The following HOMER1 variants were observed in gnomAD, a reference collection of about 807,000 sequenced individuals.
HOMER1 encodes the protein homer scaffold protein 1.
A neutral mutation model predicts 48.9 loss-of-function variants in HOMER1; 3 were observed. The ratio of observed to expected loss-of-function variants is 0.06; its 90% confidence interval spans 0.03 to 0.16. HOMER1 has a LOEUF of 0.16. Among genes scored for constraint, HOMER1 ranks in the 10% least tolerant of loss-of-function variants. The probability of loss-of-function intolerance (pLI) is 1.00; values close to 1 mark genes in which losing one functional copy is unlikely to be tolerated. For missense variants in HOMER1, 247 were observed against 411.4 expected (o/e 0.60, Z 3.46); for synonymous variants, 134 against 146.4 (o/e 0.92, Z 0.61).
At chr5:79,447,815 C>T (rs1750924797) in intron 3 of HOMER1, among the ~76,000 whole-genome samples, 1 of 152,002 alleles carries the variant, frequency 6.6e-6, no homozygotes, top group African/African-American at 2.4e-5. Flanking sequence ...AACATCCTGG[C>T]CACAAAGAAT....
At chr5:79,483,753 TA>T (rs70975754) in intron 1 of HOMER1, among the ~76,000 whole-genome samples, 38,726 of 133,774 alleles carry the variant, frequency 0.29, 5,773 homozygotes, top group African/African-American at 0.41. Flanking sequence ...ACCGTTTAAG[TA>T]AAAAAAAAAA....
chr5:79,395,420 A>G (rs1235702968), intron 8 of HOMER1, among the ~76,000 whole-genome samples: 1 of 152,194 alleles, frequency 6.6e-6, no homozygotes, highest in Non-Finnish European at 1.5e-5. Flanking sequence ...GCGCTCCACT[A>G]ATTGTGAAAA....
At chr5:79,376,365 C>A (rs1455257251) in intron 8 of HOMER1, among the ~76,000 whole-genome samples, 168 bp from the exon 9 acceptor site, 4 of 152,122 alleles carry the variant, frequency 2.6e-5, no homozygotes, top group Non-Finnish European at 5.9e-5. Context: ...TTGGCCATCC[C>A]AGAGAGCAAT....
At chr5:79,419,971 T>C (rs1485584858) in intron 5 of HOMER1, among the ~76,000 whole-genome samples, 1 of 150,372 alleles carries the variant, frequency 6.7e-6, no homozygotes, top group Non-Finnish European at 1.5e-5. Context: ...TTGGAGAAGA[T>C]GTAAAATGAT....
At chr5:79,445,772 G>T (rs1316682551) in intron 4 of HOMER1, among the ~76,000 whole-genome samples, 1 of 152,150 alleles carries the variant, frequency 6.6e-6, no homozygotes, top group Non-Finnish European at 1.5e-5. Context: ...AAATTAGCCA[G>T]GTGGGGTGGT....
rs1748689244 is a variant in HOMER1 at position 79,373,672 on chromosome 5, A to T, written c.*2337T>A. ...TTTATTTATATGTGCACTTGTGTCC[A>T]CCTTATCCCATATACTGTACATGTC... On this transcript the variant is annotated 3_prime_UTR_variant, in exon 9 of 9. Transcript: ENST00000334082. 6.6e-6 allele frequency: 1 copy of T among 152,024 alleles called. No individual in the cohort carries two copies. Among genetic ancestry groups the T allele is most frequent in the Admixed American group, 6.6e-5 (1 of 15,252 alleles). 9.4% of individuals were successfully genotyped at this position (152,024 alleles called of 1,614,324 possible).
At position 79,422,633 on chromosome 5, in the gene HOMER1, T is replaced by C. The variant is rs569536331; in HGVS notation, c.527+16377A>G. Among the ~76,000 whole-genome samples the C allele has an allele frequency of 9.3e-5, 14 of 151,264 alleles. No homozygotes were observed. The South Asian group carries it at 2.7e-3, about 29-fold the overall frequency. The stretch of plus-strand genomic sequence containing the variant: ...TGTCAAAAAAAAAAGAAAAAAACAG[T>C]AGAGATAAAACTATAAAAAATAAAA... On this transcript the variant is annotated intron_variant, in intron 5 of 8. Coordinates refer to ENST00000334082, the MANE Select transcript of HOMER1 (RefSeq NM_004272.5).
intron 5 of HOMER1, among the ~76,000 whole-genome samples, chr5:79,402,397 G>GACCTCAGGTGATCCACCT (rs1749556171): frequency 6.6e-6 from 1 of 152,036 alleles, no homozygotes; most frequent in Admixed American, 6.6e-5. Flanking sequence ...TTGAACTCCT[G>GACCTCAGGTGATCCACCT]ACCTCAGGTG....
chr5:79,498,640 T>G (rs1235761969), intron 1 of HOMER1, among the ~76,000 whole-genome samples: 1 of 152,162 alleles, frequency 6.6e-6, no homozygotes, highest in East Asian at 1.9e-4. Context: ...TCACACATTT[T>G]TCTGCTCAGC....
Position 79,507,144 on chromosome 5 carries a change from C to T in HOMER1, c.5+5626G>A, listed in dbSNP as rs368695114. ...AGGAGAAATGCTGGAACCCGGGAGGCGGAGGTTGCAGTGAGCCAAGATCGC... is the reference window on the plus strand; with the variant it reads ...AGGAGAAATGCTGGAACCCGGGAGGTGGAGGTTGCAGTGAGCCAAGATCGC... On this transcript the variant is annotated intron_variant, in intron 1 of 8. Transcript: ENST00000334082. Among the ~76,000 whole-genome samples, 6 of 126,374 alleles carry T rather than the reference C, an allele frequency of 4.7e-5. No individual in the cohort carries two copies. In the East Asian group the frequency reaches 8.2e-4, roughly 17 times the overall value. The allele number at this position is 126,374 out of a possible 152,430, so 82.9% of individuals were successfully genotyped here.
intron 1 of HOMER1, among the ~76,000 whole-genome samples, chr5:79,458,529 G>A (rs1579996231): frequency 6.6e-6 from 1 of 151,926 alleles, no homozygotes; most frequent in Admixed American, 6.6e-5. Context: ...CGGCAAAATG[G>A]CTCTTAAGGT....
chr5:79,510,768 C>A, intron 1 of HOMER1: 2 of 759,746 alleles, frequency 2.6e-6, no homozygotes, highest in South Asian at 1.4e-5. Context: ...CCCGCATTGC[C>A]AAGGGGCTCA....
At chr5:79,391,578 G>A (rs947473077) in intron 8 of HOMER1, among the ~76,000 whole-genome samples, 3 of 151,534 alleles carry the variant, frequency 2.0e-5, no homozygotes, top group African/African-American at 7.3e-5. Context: ...CTCCGTCTCT[G>A]CTAAAAAAAT....
chr5:79,465,265 T>A (rs931198307), intron 1 of HOMER1, among the ~76,000 whole-genome samples: 2 of 151,906 alleles, frequency 1.3e-5, no homozygotes. Flanking sequence ...AGCCCAGGAG[T>A]TGGAGGCTGC....
intron 1 of HOMER1, among the ~76,000 whole-genome samples, chr5:79,460,716 G>A (rs1180688460): frequency 6.6e-6 from 1 of 152,118 alleles, no homozygotes; most frequent in South Asian, 2.1e-4. Flanking sequence ...CACAATGAGG[G>A]AAACTGCTAT....
At chr5:79,503,532 G>GAAAAAA (rs1561390633) in intron 1 of HOMER1, among the ~76,000 whole-genome samples, 1 of 94,026 alleles carries the variant, frequency 1.1e-5, no homozygotes. Context: ...CTGTCACAAA[G>GAAAAAA]AGAAAAAAAA....
chr5:79,462,864 C>G (rs1324751943), intron 1 of HOMER1, among the ~76,000 whole-genome samples: 2 of 152,142 alleles, frequency 1.3e-5, no homozygotes, highest in Non-Finnish European at 2.9e-5. Context: ...TAAATACAAT[C>G]AAACTCAAGG....
rs1194826125 is a variant in HOMER1 at position 79,458,003 on chromosome 5, T to C, written c.6-985A>G. Among the ~76,000 whole-genome samples the C allele has an allele frequency of 9.2e-5, 14 of 152,196 alleles. No individual in the cohort carries two copies. The South Asian group carries it at 2.5e-3, about 27-fold the overall frequency. On this transcript the variant is annotated intron_variant, in intron 1 of 8. Transcript: ENST00000334082. ...AGGTAAAGAACTTACTGGGAAAACA[T>C]ACATTCACTATAATCGCTACTATAC... is the stretch of plus-strand genomic sequence containing the variant.
chr5:79,506,375 T>A (rs1387639320), intron 1 of HOMER1, among the ~76,000 whole-genome samples: 2 of 152,144 alleles, frequency 1.3e-5, no homozygotes, highest in Non-Finnish European at 2.9e-5. Flanking sequence ...TTCTCAGACA[T>A]TTCATGAAGG....
Sources: gnomAD v4.1 joint callset for allele counts (sites outside exome capture counted in the v4.1 genomes callset) on GRCh38, gnomAD v4.1.1 for gene constraint, MANE v1.5 for transcripts, NCBI Gene and HGNC (gene_info 2026-07-23, HGNC 2026-07-21) for gene names.